Variants in CUX1 observed in about 807,000 individuals in gnomAD.
CUX1 encodes protein CASP.
Under a neutral mutation model 158.8 loss-of-function variants are expected in CUX1, and 31 were observed. The ratio of observed to expected loss-of-function variants is 0.20; its 90% CI spans 0.15 to 0.26. The LOEUF is 0.26. Ranked by LOEUF, CUX1 falls within the 10% of genes least tolerant of loss-of-function variation. The pLI, the probability that CUX1 is intolerant of heterozygous loss-of-function variation, is 1.00. For missense variants in CUX1, 1,589 were observed against 2,014.6 expected, an observed-to-expected ratio of 0.79 and a Z score of 4.04; for synonymous variants, 879 against 862.1, an observed-to-expected ratio of 1.02 and a Z score of -0.34.
intron 2 of CUX1, among the ~76,000 whole-genome samples, chr7:101,932,956 C>T (rs375089227): frequency 4.9e-4 from 74 of 152,296 alleles, no homozygotes; most frequent in African/African-American, 1.7e-3. Context: ...TCGTGAGACA[C>T]GCTTTTCATT....
chr7:102,208,719 C>T (rs1586223497), intron 20 of CUX1, among the ~76,000 whole-genome samples: 1 of 152,124 alleles, frequency 6.6e-6, no homozygotes, highest in Admixed American at 6.5e-5. Flanking sequence ...TACAGGATTC[C>T]GATTCCCTGT....
At chr7:102,160,275 G>T (rs1264784065) in intron 9 of CUX1, among the ~76,000 whole-genome samples, 1 of 151,960 alleles carries the variant, frequency 6.6e-6, no homozygotes, top group African/African-American at 2.4e-5. Flanking sequence ...TCTCCTCAAG[G>T]CCAGTCTTGG....
rs1801340018 is a variant in CUX1, at chr7:102,250,101, T to A, written c.*1059T>A. 3.0e-6 allele frequency: 3 copies of A among 985,016 alleles called. No individual in the cohort carries two copies. The African/African-American group carries it at 5.2e-5, about 17-fold the overall frequency. The allele number at this position is 985,016 out of a possible 1,614,324, so 61.0% of individuals were successfully genotyped here. A position where few individuals can be genotyped will look rare whatever the true frequency, so the allele number is the denominator to read the frequency against. Reference sequence around the variant, plus strand: ...AAAAGATCCGAATCTAGGTATTTTATAATCTGCTTTTTAACCTCTAACCGC... The same window carrying A: ...AAAAGATCCGAATCTAGGTATTTTAAAATCTGCTTTTTAACCTCTAACCGC... On this transcript the variant is annotated 3_prime_UTR_variant, in exon 24 of 24. Coordinates refer to ENST00000292535, the MANE Select transcript of CUX1 (RefSeq NM_181552.4).
chr7:101,891,578 G>A (rs1800880583), intron 1 of CUX1, among the ~76,000 whole-genome samples: 1 of 152,188 alleles, frequency 6.6e-6, no homozygotes, highest in Non-Finnish European at 1.5e-5. Context: ...TGACCTGCAT[G>A]GGGTGCTGTG....
intron 20 of CUX1, among the ~76,000 whole-genome samples, chr7:102,210,632 C>T (rs951443698): frequency 6.6e-6 from 1 of 152,184 alleles, no homozygotes; most frequent in Non-Finnish European, 1.5e-5. Flanking sequence ...GGTCCCCTGC[C>T]CTTGGCTGAA....
intron 1 of CUX1, among the ~76,000 whole-genome samples, chr7:101,874,677 C>T (rs1798934018): frequency 6.6e-6 from 1 of 152,160 alleles, no homozygotes; most frequent in East Asian, 1.9e-4. Flanking sequence ...GAGGTTCTGC[C>T]CGGGTTTCTG....
At chr7:102,039,588 G>A (rs1042295223) in intron 3 of CUX1, among the ~76,000 whole-genome samples, 6 of 151,328 alleles carry the variant, frequency 4.0e-5, no homozygotes, top group African/African-American at 1.5e-4. Context: ...CCAGGAGGTT[G>A]AGGCTGCAGT....
chr7:102,121,320 A>C (rs1585772512), intron 8 of CUX1, among the ~76,000 whole-genome samples: 1 of 148,860 alleles, frequency 6.7e-6, no homozygotes, highest in Admixed American at 6.7e-5. Flanking sequence ...GGCTTGTGCC[A>C]CCATGCCTGG....
chr7:102,069,393 T>G (rs1184462272), intron 3 of CUX1, among the ~76,000 whole-genome samples: 1 of 152,174 alleles, frequency 6.6e-6, no homozygotes, highest in Non-Finnish European at 1.5e-5. Flanking sequence ...GCCGTGTTGG[T>G]GGACTCTTAA....
At chr7:101,937,924 T>C (rs1807140848) in intron 2 of CUX1, among the ~76,000 whole-genome samples, 1 of 152,190 alleles carries the variant, frequency 6.6e-6, no homozygotes, top group Non-Finnish European at 1.5e-5. Flanking sequence ...GTAGACAGTC[T>C]TTAACGTTGA....
intron 2 of CUX1, among the ~76,000 whole-genome samples, chr7:102,001,468 C>T (rs757648733): frequency 2.0e-5 from 3 of 152,082 alleles, no homozygotes; most frequent in African/African-American, 7.2e-5. Context: ...CTCAGCCTCC[C>T]GAGTAGCTGG....
At chr7:101,819,735 G>GT (rs1380435695) in intron 1 of CUX1, among the ~76,000 whole-genome samples, 1 of 152,184 alleles carries the variant, frequency 6.6e-6, no homozygotes, top group Non-Finnish European at 1.5e-5. Flanking sequence ...GTCATTGGCA[G>GT]TTGATTTAAG....
chr7:102,038,002 C>G (rs1821647192), intron 3 of CUX1, among the ~76,000 whole-genome samples: 1 of 150,248 alleles, frequency 6.7e-6, no homozygotes, highest in Non-Finnish European at 1.5e-5. Flanking sequence ...CTGCAGTGAG[C>G]TGAAAGCATT....
Position 102,200,094 on chromosome 7 carries a change from G to A in CUX1, c.1984G>A (p.Ala662Thr). 1 of 1,612,880 alleles carries A rather than the reference G, an allele frequency of 6.2e-7. No individual in the cohort carries two copies. The highest frequency in any genetic ancestry group is 8.5e-7 in the Non-Finnish European group (1 of 1,179,430). The change falls in exon 17 of 24, where the codon GCC becomes ACC. Residue 662 changes from alanine (A) to threonine (T), a missense_variant. Coordinates refer to ENST00000292535, the MANE Select transcript of CUX1 (RefSeq NM_181552.4). The part of the protein sequence containing the change: ...SEGNITTRIR[A>T]SETGSDEAIK... ...AGGTAACATCACCACCCGGATCCGA[G>A]CCTCGGAGACTGGCTCTGATGAAGC...
At chr7:102,146,884 C>T (rs782167712) in intron 8 of CUX1, among the ~76,000 whole-genome samples, 1 of 152,168 alleles carries the variant, frequency 6.6e-6, no homozygotes, top group Non-Finnish European at 1.5e-5. Flanking sequence ...CATGAGTGAG[C>T]CACTGCGCCT....
chr7:102,225,565 G>A (rs564144748), intron 20 of CUX1, among the ~76,000 whole-genome samples: 1 of 152,314 alleles, frequency 6.6e-6, no homozygotes, highest in Non-Finnish European at 1.5e-5. Context: ...GGGAGAAGCA[G>A]CAAGAGTAAG....
chr7:101,977,166 G>A (rs1467283805), intron 2 of CUX1, among the ~76,000 whole-genome samples: 2 of 151,956 alleles, frequency 1.3e-5, no homozygotes, highest in Non-Finnish European at 2.9e-5. Flanking sequence ...TCCCGCCTCG[G>A]CCTCCCAAAG....
At chr7:102,150,986 A>G (rs1835585968) in intron 8 of CUX1, among the ~76,000 whole-genome samples, 1 of 152,230 alleles carries the variant, frequency 6.6e-6, no homozygotes, top group Non-Finnish European at 1.5e-5. Context: ...GACTTTGGAA[A>G]ATAAATGATT....
chr7:102,234,350 G>A, intron 22 of CUX1, 110 bp downstream of exon 22: 1 of 1,061,546 alleles, frequency 9.4e-7, no homozygotes, highest in Non-Finnish European at 1.2e-6. Flanking sequence ...ATGACCAAGG[G>A]ACCAGAGGAC....
Sources: allele counts gnomAD v4.1 joint callset (sites outside exome capture counted in the v4.1 genomes callset), GRCh38; gene constraint gnomAD v4.1.1; transcripts MANE v1.5; gene names NCBI Gene and HGNC (gene_info 2026-07-23, HGNC 2026-07-21).